Variants in CDH12 observed in about 807,000 individuals in gnomAD.
CDH12 encodes cadherin-12.
Under a neutral mutation model 74.1 loss-of-function variants are expected in CDH12, and 41 were observed. The ratio of observed to expected loss-of-function variants is 0.55; its 90% CI spans 0.43 to 0.72. CDH12 has a LOEUF of 0.72. Among genes scored for constraint, CDH12 ranks in the 30% least tolerant of loss-of-function variants. The pLI is 0.00. For missense variants in CDH12, 945 were observed against 977.2 expected, an observed-to-expected ratio of 0.97 and a Z score of 0.44; for synonymous variants, 399 against 355.0, an observed-to-expected ratio of 1.12 and a Z score of -1.39.
intron 2 of CDH12, among the ~76,000 whole-genome samples, chr5:22,428,034 CCA>C (rs1379839815): frequency 2.6e-5 from 4 of 151,938 alleles, no homozygotes; most frequent in Non-Finnish European, 5.9e-5. Flanking sequence ...TTAACTGGAC[CCA>C]GTTATTCTTT....
At chr5:22,211,561 A>C (rs181706058) in intron 4 of CDH12, among the ~76,000 whole-genome samples, 8,506 of 152,030 alleles carry the variant, frequency 0.056, 261 homozygotes, top group Non-Finnish European at 0.062. Flanking sequence ...GTAGAAAAGA[A>C]AAAGTTCAGG....
At chr5:22,683,590 T>G (rs1741610081) in intron 1 of CDH12, among the ~76,000 whole-genome samples, 1 of 152,160 alleles carries the variant, frequency 6.6e-6, no homozygotes, top group Admixed American at 6.5e-5. Flanking sequence ...TTTTCTGCAT[T>G]GAAAAAGCAA....
At chr5:22,225,464 C>CA (rs764471963) in intron 3 of CDH12, among the ~76,000 whole-genome samples, 12 of 152,056 alleles carry the variant, frequency 7.9e-5, no homozygotes, top group East Asian at 7.7e-4. Flanking sequence ...TTAAAAATCA[C>CA]AAAAAATGGT....
At chr5:21,779,649 G>A (rs938047458) in intron 11 of CDH12, 3 of 152,124 alleles carry the variant, frequency 2.0e-5, no homozygotes, top group Non-Finnish European at 2.9e-5. Flanking sequence ...TTTCACCTGA[G>A]AGTTTTTATA....
chr5:21,803,513 G>C (rs1360757913), intron 9 of CDH12, among the ~76,000 whole-genome samples: 10 of 152,018 alleles, frequency 6.6e-5, no homozygotes. Context: ...CTCAGTTTTA[G>C]CTTATCGCTG....
intron 4 of CDH12, chr5:22,172,359 C>T (rs1296173717): frequency 6.6e-6 from 1 of 151,788 alleles, no homozygotes; most frequent in African/African-American, 2.4e-5. Flanking sequence ...CTTATCTCCT[C>T]CTTGAAGATG....
chr5:22,425,719 T>C (rs1362401260), intron 2 of CDH12, among the ~76,000 whole-genome samples: 2 of 151,912 alleles, frequency 1.3e-5, no homozygotes, highest in African/African-American at 4.8e-5. Context: ...AAAATCAAAA[T>C]AAAAATTATT....
chr5:22,133,746 C>A (rs774717145), intron 4 of CDH12, among the ~76,000 whole-genome samples: 1 of 152,006 alleles, frequency 6.6e-6, no homozygotes, highest in Non-Finnish European at 1.5e-5. Flanking sequence ...TACATAATTA[C>A]GTGTACATAT....
chr5:21,802,721 A>G (rs770895715), intron 9 of CDH12, among the ~76,000 whole-genome samples: 1 of 148,986 alleles, frequency 6.7e-6, no homozygotes, highest in Non-Finnish European at 1.5e-5. Context: ...CTTCCGGAGG[A>G]TCTGGGACTA....
At chr5:22,057,202 A>AGCATGTC (rs1740802284) in intron 5 of CDH12, among the ~76,000 whole-genome samples, 1 of 152,228 alleles carries the variant, frequency 6.6e-6, no homozygotes, top group Non-Finnish European at 1.5e-5. Context: ...GAAACAAATA[A>AGCATGTC]GCATGTCTGT....
intron 5 of CDH12, among the ~76,000 whole-genome samples, chr5:22,053,731 C>T (rs1329148851): frequency 1.3e-5 from 2 of 152,046 alleles, no homozygotes; most frequent in African/African-American, 4.8e-5. Context: ...AGAAAACACT[C>T]GATGATAGGT....
At chr5:22,470,312 G>T (rs2551496) in intron 2 of CDH12, among the ~76,000 whole-genome samples, 65,336 of 151,944 alleles carry the variant, frequency 0.43, 14,501 homozygotes, top group Admixed American at 0.61. Flanking sequence ...TCTTATAAAT[G>T]TAGCTGTACT....
intron 1 of CDH12, among the ~76,000 whole-genome samples, chr5:22,671,664 A>G (rs1286206880): frequency 6.6e-6 from 1 of 152,044 alleles, no homozygotes; most frequent in Non-Finnish European, 1.5e-5. Flanking sequence ...ATAGGCCAAG[A>G]TTGGAAACAG....
chr5:22,606,106 T>G (rs1206633638), intron 1 of CDH12, among the ~76,000 whole-genome samples: 1 of 152,180 alleles, frequency 6.6e-6, no homozygotes, highest in Non-Finnish European at 1.5e-5. Flanking sequence ...ACCCCACCAC[T>G]GGCCCCAAGC....
chr5:21,842,571 T>C (rs925716445), intron 7 of CDH12, among the ~76,000 whole-genome samples: 1 of 152,062 alleles, frequency 6.6e-6, no homozygotes, highest in African/African-American at 2.4e-5. Context: ...TAAAGAACAA[T>C]GTATCACCTC....
intron 2 of CDH12, among the ~76,000 whole-genome samples, chr5:22,452,390 A>G (rs1745077895): frequency 6.6e-6 from 1 of 152,046 alleles, no homozygotes; most frequent in African/African-American, 2.4e-5. Context: ...CCAATGGAAC[A>G]GAATAAAGAA....
intron 1 of CDH12, among the ~76,000 whole-genome samples, chr5:22,722,663 G>A (rs971534612): frequency 6.6e-6 from 1 of 152,172 alleles, no homozygotes; most frequent in African/African-American, 2.4e-5. Flanking sequence ...TGCCAAATAT[G>A]CGTACACATA....
At chr5:22,124,673 T>C (rs1385852113) in intron 4 of CDH12, among the ~76,000 whole-genome samples, 5 of 152,262 alleles carry the variant, frequency 3.3e-5, no homozygotes, top group Non-Finnish European at 4.4e-5. Flanking sequence ...TTTATTTCAG[T>C]TAATGTATGG....
At chr5:22,711,976 G>C (rs913081459) in intron 1 of CDH12, among the ~76,000 whole-genome samples, 4 of 151,938 alleles carry the variant, frequency 2.6e-5, no homozygotes, top group African/African-American at 9.7e-5. Context: ...TACTTTGTTA[G>C]CATTCAGGAT....
Sources: gnomAD v4.1 joint callset for allele counts (sites outside exome capture counted in the v4.1 genomes callset) on GRCh38, gnomAD v4.1.1 for gene constraint, MANE v1.5 for transcripts, NCBI Gene and HGNC (gene_info 2026-07-23, HGNC 2026-07-21) for gene names.